The following MMP27 variants were observed in gnomAD, a reference collection of about 807,000 sequenced individuals.
MMP27 encodes the protein matrix metallopeptidase 27.
MMP27 carries 51 observed loss-of-function variants against 48.1 expected under a neutral mutation model. The observed-to-expected ratio is 1.06, with a 90% CI of 0.85 to 1.34. MMP27 has a LOEUF of 1.34. MMP27 is among the 40% of genes most tolerant of loss of function. The pLI, the probability that MMP27 is intolerant of heterozygous loss-of-function variation, is 0.00. For synonymous variants in MMP27, 229 were observed against 208.9 expected (o/e 1.10, Z -0.83); for missense variants, 698 against 619.3 (o/e 1.13, Z -1.35).
intron 4 of MMP27, among the ~76,000 whole-genome samples, chr11:102,700,995 T>C (rs907001113): frequency 2.6e-5 from 4 of 152,244 alleles, no homozygotes; most frequent in Non-Finnish European, 5.9e-5. Flanking sequence ...ATATAGGTTA[T>C]TGCTGAATTG....
At position 102,694,967 on chromosome 11, in the gene MMP27, C is replaced by G; in HGVS notation, c.1033G>C (p.Asp345His). The stretch of plus-strand genomic sequence containing the variant: ...GAGGAATCGGGATGGGCCAGGTTAC[C>G]TTTAAAAACCAGAATCTTATCTCTG... ...NPRDKILVFK[D>H]ENFWMIRGYA... The change falls in exon 7 of 10, where the codon GAT becomes CAT. Residue 345 changes from aspartate (D) to histidine (H), a missense_variant and splice_region_variant. Physicochemically the swap from Asp to His is moderately conservative, Grantham distance 81 (BLOSUM62 -1). Transcript: ENST00000260229. The G allele has an allele frequency of 6.2e-7, 1 of 1,613,732 alleles. No homozygotes were observed. The highest frequency in any genetic ancestry group is 8.5e-7 in the Non-Finnish European group (1 of 1,179,824).
chr11:102,693,425 A>G (rs1039554728), intron 8 of MMP27, among the ~76,000 whole-genome samples: 10 of 152,122 alleles, frequency 6.6e-5, no homozygotes, highest in African/African-American at 2.4e-4. Flanking sequence ...AAGGAAAGTC[A>G]TTAGACTCAT....
In MMP27 at chr11:102,696,796, T is replaced by C. The variant is rs747603554; in HGVS notation, c.659A>G (p.His220Arg). 2.5e-6 allele frequency: 4 copies of C among 1,612,358 alleles called. No homozygotes were observed. The highest frequency in any genetic ancestry group is 2.5e-6 in the Non-Finnish European group (3 of 1,179,642). Residue 220 changes from histidine (H) to arginine (R), a missense_variant, in exon 5 of 10, where the codon CAT (histidine) becomes CGT (arginine). His to Arg is a conservative substitution (Grantham distance 29, BLOSUM62 0). Transcript: ENST00000260229. ...ATTGGAGTGAGAGAGCCCCAGTGCATGACCAAATTCATGAGCAGCCACAAG... is the reference window on the plus strand; with the variant it reads ...ATTGGAGTGAGAGAGCCCCAGTGCACGACCAAATTCATGAGCAGCCACAAG... ...LFLVAAHEFGHALGLSHSNDQ... is the reference protein window; with the variant it reads ...LFLVAAHEFGRALGLSHSNDQ...
At chr11:102,693,663 G>A (rs1483424208) in intron 8 of MMP27, among the ~76,000 whole-genome samples, 1 of 152,000 alleles carries the variant, frequency 6.6e-6, no homozygotes, top group African/African-American at 2.4e-5. Flanking sequence ...CATGCCTGTA[G>A]TATCAGTTAC....
chr11:102,698,159 G>T (rs1265094640), intron 4 of MMP27, among the ~76,000 whole-genome samples: 1 of 152,094 alleles, frequency 6.6e-6, no homozygotes, highest in Non-Finnish European at 1.5e-5. Context: ...TAACATGGTT[G>T]CTTATTATCA....
chr11:102,699,627 G>T (rs1170183166), intron 4 of MMP27, among the ~76,000 whole-genome samples: 3 of 152,180 alleles, frequency 2.0e-5, no homozygotes, highest in Non-Finnish European at 4.4e-5. Flanking sequence ...ATTATGTCAT[G>T]GTCTTTGACA....
intron 1 of MMP27, among the ~76,000 whole-genome samples, chr11:102,705,247 AT>A (rs971618731): frequency 2.0e-5 from 3 of 152,068 alleles, no homozygotes; most frequent in African/African-American, 4.8e-5. Flanking sequence ...AAAGCAATGT[AT>A]TTTTTTTCAT....
rs138126804 is a variant in MMP27 at position 102,698,549 on chromosome 11, A to G, written c.620-1714T>C. ...ATGTGATCATGTTGCTCCTACTTCT[A>G]TTCTTCAGAGGTTCTGTATTGCTAT... is the stretch of plus-strand genomic sequence containing the variant. On this transcript the variant is annotated intron_variant, in intron 4 of 9. Coordinates refer to ENST00000260229, the MANE Select transcript of MMP27 (RefSeq NM_022122.3). Among the ~76,000 whole-genome samples, 227 of 152,148 alleles carry G rather than the reference A, an allele frequency of 1.5e-3. 3 individuals carry two copies. Among genetic ancestry groups the G allele is most frequent in the African/African-American group, 5.2e-3 (215 of 41,526 alleles).
intron 1 of MMP27, 124 bp from the exon 2 acceptor site, chr11:102,704,899 G>T: frequency 1.6e-6 from 1 of 621,590 alleles, no homozygotes; most frequent in Non-Finnish European, 2.8e-6. Flanking sequence ...AAAAAAAGAA[G>T]TAATGAGAGA....
At chr11:102,705,465 G>A (rs2134280096) in intron 1 of MMP27, 148 bp downstream of exon 1, 9 of 541,122 alleles carry the variant, frequency 1.7e-5, no homozygotes, top group South Asian at 2.8e-5. Flanking sequence ...TCCTGATATC[G>A]TCAGAGATAG....
intron 4 of MMP27, among the ~76,000 whole-genome samples, chr11:102,698,271 T>C: frequency 6.6e-6 from 1 of 152,038 alleles, no homozygotes; most frequent in Non-Finnish European, 1.5e-5. Flanking sequence ...GTGAGTAATG[T>C]GTTGTGCTGT....
chr11:102,696,285 A>G, intron 6 of MMP27, 86 bp downstream of exon 6: 1 of 1,408,558 alleles, frequency 7.1e-7, no homozygotes, highest in Non-Finnish European at 9.9e-7. Flanking sequence ...CATTTTCACT[A>G]GCCCCATGAC....
Position 102,696,671 on chromosome 11 carries a change from C to T in MMP27, c.781+3G>A. The T allele has an allele frequency of 6.3e-7, 1 of 1,597,874 alleles. No homozygotes were observed. ...ATATATTGAGATTTATAATTTTGCT[C>T]ACCATAGATGGACTGGATTCCATTG... is the stretch of plus-strand genomic sequence containing the variant. On this transcript the variant is annotated splice_donor_region_variant and intron_variant, in intron 5 of 9. Coordinates refer to ENST00000260229, the MANE Select transcript of MMP27 (RefSeq NM_022122.3).
At chr11:102,704,337 T>C (rs1406540548) in intron 2 of MMP27, among the ~76,000 whole-genome samples, 200 bp downstream of exon 2, 1 of 152,234 alleles carries the variant, frequency 6.6e-6, no homozygotes, top group Admixed American at 6.5e-5. Context: ...TAAACTTTTG[T>C]TTCAGTTTCT....
At chr11:102,704,173 C>A (rs933370824) in intron 2 of MMP27, among the ~76,000 whole-genome samples, 14 of 152,144 alleles carry the variant, frequency 9.2e-5, no homozygotes, top group African/African-American at 3.4e-4. Flanking sequence ...CCAGGGTCTC[C>A]CCATTTTCTC....
chr11:102,702,052 C>T (rs1860950219), intron 4 of MMP27, among the ~76,000 whole-genome samples: 1 of 152,160 alleles, frequency 6.6e-6, no homozygotes, highest in African/African-American at 2.4e-5. Context: ...TTCTTTGAGG[C>T]CTACATTGCT....
chr11:102,705,661 A>G lies in MMP27; in HGVS notation c.54T>C (p.Phe18=). 1 of 1,606,392 alleles carries G rather than the reference A, an allele frequency of 6.2e-7. No individual in the cohort carries two copies. The highest frequency in any genetic ancestry group is 8.5e-7 in the Non-Finnish European group (1 of 1,177,396). The change falls in exon 1 of 10, where the codon TTT becomes TTC. Residue 18 remains phenylalanine, a synonymous_variant. Coordinates refer to ENST00000260229, the MANE Select transcript of MMP27 (RefSeq NM_022122.3). ...FLFFITFSSA[F]PLVRMTENEE... The stretch of plus-strand genomic sequence containing the variant: ...CATTTTCCGTCATCCGGACTAAGGG[A>G]AATGCAGAAGAAAATGTTATAAAGA...
rs796893236 is a variant in MMP27, at chr11:102,703,402, AT to A, written c.342-285del. Among the ~76,000 whole-genome samples, 63 of 152,356 alleles carry A rather than the reference AT, an allele frequency of 4.1e-4. 2 individuals are homozygous for A. Among genetic ancestry groups the A allele is most frequent in the African/African-American group, 1.4e-3 (57 of 41,586 alleles). On this transcript the variant is annotated intron_variant, in intron 2 of 9. Coordinates refer to ENST00000260229, the MANE Select transcript of MMP27 (RefSeq NM_022122.3). ...CACTAAGATCACATCCCAAGACAGC[AT>A]TTATCTCATGTACGTGTTGGCTTGT...
At chr11:102,697,723 C>A (rs1860857899) in intron 4 of MMP27, among the ~76,000 whole-genome samples, 1 of 152,116 alleles carries the variant, frequency 6.6e-6, no homozygotes, top group Non-Finnish European at 1.5e-5. Flanking sequence ...CCAGGCTGAT[C>A]TTGAACTCCA....
Sources: allele counts gnomAD v4.1 joint callset (sites outside exome capture counted in the v4.1 genomes callset), GRCh38; gene constraint gnomAD v4.1.1; transcripts MANE v1.5; gene names NCBI Gene and HGNC (gene_info 2026-07-23, HGNC 2026-07-21).